TRIB2: variants seen among roughly 807,000 people sequenced by gnomAD.
TRIB2 encodes the protein tribbles pseudokinase 2.
TRIB2 carries 2 observed loss-of-function variants against 26.8 expected under a neutral mutation model. The observed-to-expected ratio is 0.07, with a 90% CI of 0.03 to 0.24. TRIB2 has a LOEUF of 0.24. Ranked by LOEUF, TRIB2 falls within the 10% of genes least tolerant of loss-of-function variation. The pLI is 1.00. For synonymous variants in TRIB2, 189 were observed against 187.3 expected, an observed-to-expected ratio of 1.01 and a Z score of -0.08; for missense variants, 306 against 449.0, an observed-to-expected ratio of 0.68 and a Z score of 2.88.
At position 12,721,695 on chromosome 2, in the gene TRIB2, G is replaced by A. The variant is rs1022477404; in HGVS notation, c.271-1565G>A. 9.9e-5 allele frequency among the ~76,000 whole-genome samples: 15 copies of A among 152,280 alleles called. No individual in the cohort carries two copies. In the East Asian group the frequency reaches 1.3e-3, roughly 14 times the overall value. On this transcript the variant is annotated intron_variant, in intron 1 of 2. Coordinates refer to ENST00000155926, the MANE Select transcript of TRIB2 (RefSeq NM_021643.4). ...AGGTTATAGTGGCAGCAGCTGTGCC[G>A]CTTTTCTGAGATGCCTCGTTATGGT... is the stretch of plus-strand genomic sequence containing the variant.
At chr2:12,723,892 G>A (rs186214430) in intron 2 of TRIB2, among the ~76,000 whole-genome samples, 2 of 152,248 alleles carry the variant, frequency 1.3e-5, no homozygotes, top group Non-Finnish European at 1.5e-5. Flanking sequence ...AATTCTACCC[G>A]CAGAACACTC....
At chr2:12,739,916 G>A (rs1661676633) in intron 2 of TRIB2, among the ~76,000 whole-genome samples, 1 of 152,230 alleles carries the variant, frequency 6.6e-6, no homozygotes, top group Non-Finnish European at 1.5e-5. Flanking sequence ...AGACAAAGCT[G>A]TGGGCTTCCT....
rs995026124 is a variant in TRIB2, at chr2:12,718,511, A to G, written c.204A>G (p.Glu68=). The change falls in exon 1 of 3, where the codon GAA becomes GAG. Residue 68 remains glutamate, a synonymous_variant. Coordinates refer to ENST00000155926, the MANE Select transcript of TRIB2 (RefSeq NM_021643.4). This position sits in a 1 kb window ranked among gnomAD's most constrained non-coding sequence, Gnocchi z 4.0. ...GTATCGGGAAATACTTATTGTTGGA[A>G]CCTCTGGAGGGAGACCACGTTTTTC... ...VSCIGKYLLL[E]PLEGDHVFRA... 3.7e-6 allele frequency: 6 copies of G among 1,613,866 alleles called. No homozygotes were observed. The highest frequency in any genetic ancestry group is 4.2e-6 in the Non-Finnish European group (5 of 1,180,010).
chr2:12,730,481 G>T (rs1661431036), intron 2 of TRIB2, among the ~76,000 whole-genome samples: 6 of 152,230 alleles, frequency 3.9e-5, no homozygotes, highest in Admixed American at 3.9e-4. Flanking sequence ...AGGAGGACCT[G>T]ACTAGCCAGG....
chr2:12,728,866 G>A lies in TRIB2; in HGVS notation c.563+5314G>A, dbSNP rs141698374. Among the ~76,000 whole-genome samples the A allele has an allele frequency of 7.5e-3, 1,148 of 152,130 alleles. 15 individuals carry two copies. Among genetic ancestry groups the A allele is most frequent in the Middle Eastern group, 0.051 (15 of 294 alleles). Reference sequence around the variant, plus strand: ...TTTCTCAGCTCTTAGTATCTTTATTGGCTTTTCCTTCAGATCTTCAAGTTG... The same window carrying A: ...TTTCTCAGCTCTTAGTATCTTTATTAGCTTTTCCTTCAGATCTTCAAGTTG... On this transcript the variant is annotated intron_variant, in intron 2 of 2. Transcript: ENST00000155926.
At chr2:12,730,078 C>G (rs937856781) in intron 2 of TRIB2, among the ~76,000 whole-genome samples, 5 of 152,140 alleles carry the variant, frequency 3.3e-5, no homozygotes, top group Non-Finnish European at 4.4e-5. Flanking sequence ...ATTCTTGGTG[C>G]TGGGGACACT....
intron 2 of TRIB2, among the ~76,000 whole-genome samples, chr2:12,739,732 G>A (rs1016467534): frequency 6.6e-6 from 1 of 152,192 alleles, no homozygotes; most frequent in African/African-American, 2.4e-5. Context: ...CAGCTAACAG[G>A]TTTGGGGAAG....
rs114162965 is a variant in TRIB2 at position 12,732,261 on chromosome 2, C to T, written c.564-8065C>T. On this transcript the variant is annotated intron_variant, in intron 2 of 2. Transcript: ENST00000155926. This position sits in a 1 kb window ranked among gnomAD's most constrained non-coding sequence, Gnocchi z 4.2. ...GACAGGGCAGGGATTCCGTCGTGGC[C>T]GGGTAGATGGCACTGCAGAAAACCC... Among the ~76,000 whole-genome samples the T allele has an allele frequency of 4.7e-3, 712 of 152,206 alleles. 6 individuals are homozygous for T. The highest frequency in any genetic ancestry group is 0.016 in the African/African-American group (655 of 41,526).
At chr2:12,730,515 G>T (rs1228148946) in intron 2 of TRIB2, among the ~76,000 whole-genome samples, 1 of 152,246 alleles carries the variant, frequency 6.6e-6, no homozygotes, top group Non-Finnish European at 1.5e-5. Flanking sequence ...TCACGACTCA[G>T]TTTTCCTGAG....
At position 12,717,542 on chromosome 2, in the gene TRIB2, C is replaced by T. The variant is rs1243090241; in HGVS notation, c.-766C>T. The T allele has an allele frequency of 5.0e-6, 2 of 398,242 alleles. No homozygotes were observed. Among genetic ancestry groups the T allele is most frequent in the Non-Finnish European group, 8.9e-6 (2 of 225,870 alleles). 24.7% of individuals were successfully genotyped at this position (398,242 alleles called of 1,614,324 possible). Reference sequence around the variant, plus strand: ...CCCAGCCCGCGCCGCAACTCTGTGCCCAGCTTTTGCAATCTTTTGTTGGCA... The same window carrying T: ...CCCAGCCCGCGCCGCAACTCTGTGCTCAGCTTTTGCAATCTTTTGTTGGCA... On this transcript the variant is annotated 5_prime_UTR_variant, in exon 1 of 3. Transcript: ENST00000155926. This position sits in a 1 kb window ranked among gnomAD's most constrained non-coding sequence, Gnocchi z 4.8.
chr2:12,733,022 T>C (rs940923385), intron 2 of TRIB2, among the ~76,000 whole-genome samples: 1 of 144,738 alleles, frequency 6.9e-6, no homozygotes, highest in Non-Finnish European at 1.5e-5. Flanking sequence ...CACCCTGTCC[T>C]GATCTCTTCC....
chr2:12,728,717 C>T (rs1372229303), intron 2 of TRIB2, among the ~76,000 whole-genome samples: 2 of 152,214 alleles, frequency 1.3e-5, no homozygotes, highest in East Asian at 3.9e-4. Context: ...CGACTGTTTG[C>T]AGGAACTCAG....
rs147884983 is a variant in TRIB2 at position 12,731,683 on chromosome 2, C to T, written c.563+8131C>T. Reference sequence around the variant, plus strand: ...TTTTTCGACTTGATCTCATTCATTACGTGCCTACGCGCACATCTCCACAAG... The same window carrying T: ...TTTTTCGACTTGATCTCATTCATTATGTGCCTACGCGCACATCTCCACAAG... On this transcript the variant is annotated intron_variant, in intron 2 of 2. Coordinates refer to ENST00000155926, the MANE Select transcript of TRIB2 (RefSeq NM_021643.4). Among the ~76,000 whole-genome samples the T allele has an allele frequency of 4.6e-3, 698 of 152,346 alleles. 7 individuals carry two copies. Among genetic ancestry groups the T allele is most frequent in the Non-Finnish European group, 6.8e-3 (462 of 68,036 alleles).
Position 12,717,672 on chromosome 2 carries a change from T to G in TRIB2, c.-636T>G. 1 of 393,318 alleles carries G rather than the reference T, an allele frequency of 2.5e-6. No homozygotes were observed. The highest frequency in any genetic ancestry group is 4.5e-6 in the Non-Finnish European group (1 of 223,224). The allele number at this position is 393,318 out of a possible 1,614,324, so 24.4% of individuals were successfully genotyped here. A position where few individuals can be genotyped will look rare whatever the true frequency, so the allele number is the denominator to read the frequency against. ...GATCTTGGAAAAGCCTCAGACGCCA[T>G]CTACAGTTAAAACGTAGGTAACTGC... On this transcript the variant is annotated 5_prime_UTR_variant, in exon 1 of 3. Coordinates refer to ENST00000155926, the MANE Select transcript of TRIB2 (RefSeq NM_021643.4). The surrounding 1 kb of genome is among the most constrained non-coding windows in gnomAD (Gnocchi z 4.8).
rs1361285922 is a variant in TRIB2, at chr2:12,732,735, T to C, written c.564-7591T>C. On this transcript the variant is annotated intron_variant, in intron 2 of 2. Transcript: ENST00000155926. This position sits in a 1 kb window ranked among gnomAD's most constrained non-coding sequence, Gnocchi z 4.2. ...GCATGATGGTGCCAATGGTGCCAGGTGGTCCTTCCCAGGCCCTTGGTAGCA... is the reference window on the plus strand; with the variant it reads ...GCATGATGGTGCCAATGGTGCCAGGCGGTCCTTCCCAGGCCCTTGGTAGCA... Among the ~76,000 whole-genome samples, 7 of 152,220 alleles carry C rather than the reference T, an allele frequency of 4.6e-5. No individual in the cohort carries two copies. The highest frequency in any genetic ancestry group is 1.7e-4 in the African/African-American group (7 of 41,448).
At chr2:12,739,390 T>C (rs534912679) in intron 2 of TRIB2, among the ~76,000 whole-genome samples, 34 of 152,300 alleles carry the variant, frequency 2.2e-4, no homozygotes, top group African/African-American at 7.9e-4. Flanking sequence ...CTCCTGAGCA[T>C]CTGGGATTAC....
Position 12,739,662 on chromosome 2 carries a change from T to TAGCAG in TRIB2, c.564-662_564-658dup, listed in dbSNP as rs540057614. Among the ~76,000 whole-genome samples, 395 of 152,308 alleles carry TAGCAG rather than the reference T, an allele frequency of 2.6e-3. 1 individual carries two copies. The highest frequency in any genetic ancestry group is 8.7e-3 in the African/African-American group (360 of 41,568). On this transcript the variant is annotated intron_variant, in intron 2 of 2. Transcript: ENST00000155926. ...TGGTCCTAAAGAGAGGCACCTGGTA[T>TAGCAG]AGCAGAAAGAGCAGCAGCATCAACT...
intron 2 of TRIB2, among the ~76,000 whole-genome samples, chr2:12,728,801 G>T (rs939580711): frequency 2.0e-5 from 3 of 152,136 alleles, no homozygotes; most frequent in African/African-American, 4.8e-5. Context: ...GTGGGGTGGA[G>T]GCGTTTCTCC....
Position 12,718,544 on chromosome 2 carries a change from G to A in TRIB2, c.237G>A (p.Val79=). 2 of 1,614,148 alleles carry A rather than the reference G, an allele frequency of 1.2e-6. No individual in the cohort carries two copies. Among genetic ancestry groups the A allele is most frequent in the Non-Finnish European group, 8.5e-7 (1 of 1,180,002 alleles). The stretch of plus-strand genomic sequence containing the variant: ...AGGGAGACCACGTTTTTCGTGCCGT[G>A]CATCTGCACAGCGGAGAGGAGCTGG... ...PLEGDHVFRA[V]HLHSGEELVC... is the part of the protein sequence containing the mutation. Residue 79 remains valine (V), a synonymous_variant, in exon 1 of 3, where the codon GTG becomes GTA. Transcript: ENST00000155926. The surrounding 1 kb of genome is among the most constrained non-coding windows in gnomAD (Gnocchi z 4.0).
Sources: allele counts gnomAD v4.1 joint callset (sites outside exome capture counted in the v4.1 genomes callset), GRCh38; gene constraint gnomAD v4.1.1; non-coding constraint Gnocchi (gnomAD v3.1); transcripts MANE v1.5; gene names NCBI Gene and HGNC (gene_info 2026-07-23, HGNC 2026-07-21).